Variants in XIRP2 observed in about 807,000 individuals in gnomAD.
XIRP2 encodes xin actin-binding repeat-containing protein 2.
A neutral mutation model predicts 277.0 loss-of-function variants in XIRP2; 236 were observed. The ratio of observed to expected loss-of-function variants is 0.85; its 90% CI spans 0.77 to 0.95. XIRP2 has a LOEUF of 0.95. Ranked by LOEUF, XIRP2 falls within the 40% of genes least tolerant of loss-of-function variation. XIRP2 has a pLI of 0.00. For synonymous variants in XIRP2, 1,490 were observed against 1,416.5 expected (o/e 1.05, Z -1.17); for missense variants, 4,640 against 4,157.5 (o/e 1.12, Z -3.19).
intron 2 of XIRP2, among the ~76,000 whole-genome samples, chr2:167,097,290 A>G (rs1690350618): frequency 6.6e-6 from 1 of 152,172 alleles, no homozygotes; most frequent in South Asian, 2.1e-4. Flanking sequence ...TCCCTTTACC[A>G]TTATGTAATG....
chr2:167,056,022 C>T (rs1194395897), intron 2 of XIRP2, among the ~76,000 whole-genome samples: 4 of 152,206 alleles, frequency 2.6e-5, no homozygotes, highest in Non-Finnish European at 5.9e-5. Context: ...TCTTTTTCAT[C>T]TTATTTCTTT....
At chr2:167,048,845 C>A (rs1400894152) in intron 2 of XIRP2, among the ~76,000 whole-genome samples, 2 of 151,862 alleles carry the variant, frequency 1.3e-5, no homozygotes, top group Non-Finnish European at 2.9e-5. Flanking sequence ...GATGCAAAAA[C>A]TGAAAAAGGG....
chr2:167,055,084 C>T (rs1380748235), intron 2 of XIRP2, among the ~76,000 whole-genome samples: 1 of 152,176 alleles, frequency 6.6e-6, no homozygotes, highest in African/African-American at 2.4e-5. Context: ...TTGAAGTAAA[C>T]TAGTTGTGGT....
chr2:167,211,143 C>T (rs184790925), intron 4 of XIRP2, among the ~76,000 whole-genome samples: 19 of 152,208 alleles, frequency 1.2e-4, no homozygotes, highest in Non-Finnish European at 7.4e-5. Flanking sequence ...CTTGCTCTGT[C>T]ATCCAGGCTG....
chr2:167,076,132 T>C (rs907438282), intron 2 of XIRP2, among the ~76,000 whole-genome samples: 1 of 151,908 alleles, frequency 6.6e-6, no homozygotes, highest in Non-Finnish European at 1.5e-5. Flanking sequence ...TGTTTACTGA[T>C]TATGAAAAAA....
At chr2:167,195,712 C>T (rs144274128) in intron 3 of XIRP2, among the ~76,000 whole-genome samples, 6 of 152,228 alleles carry the variant, frequency 3.9e-5, no homozygotes, top group Admixed American at 2.0e-4. Context: ...AGTGAAATGG[C>T]GCAATGCACC....
intron 3 of XIRP2, among the ~76,000 whole-genome samples, chr2:167,154,270 G>A (rs914598632): frequency 2.5e-4 from 37 of 150,096 alleles, no homozygotes; most frequent in Non-Finnish European, 4.6e-4. Flanking sequence ...TTTTTTTCTT[G>A]TAAATTTGTT....
intron 2 of XIRP2, among the ~76,000 whole-genome samples, chr2:167,108,035 T>G (rs2105292123): frequency 6.6e-6 from 1 of 151,960 alleles, no homozygotes; most frequent in South Asian, 2.1e-4. Flanking sequence ...TTCTTAATAC[T>G]TATGGAGTTA....
chr2:167,136,286 T>C (rs142454911), intron 3 of XIRP2, among the ~76,000 whole-genome samples: 59 of 152,290 alleles, frequency 3.9e-4, no homozygotes, highest in African/African-American at 1.3e-3. Flanking sequence ...ATATTTTAAT[T>C]GACTATAAAC....
Position 167,243,936 on chromosome 2 carries a change from G to C in XIRP2, c.2544G>C (p.Gln848His). 1 of 1,613,960 alleles carries C rather than the reference G, an allele frequency of 6.2e-7. No individual in the cohort carries two copies. The highest frequency in any genetic ancestry group is 8.5e-7 in the Non-Finnish European group (1 of 1,179,934). Reference protein sequence around the residue: ...VSRKCWMFETQPLDILKEVPD... With the variant: ...VSRKCWMFETHPLDILKEVPD... ...GAAAGTGTTGGATGTTTGAAACCCA[G>C]CCATTAGACATTCTAAAAGAAGTTC... The change falls in exon 9 of 11, where the codon CAG becomes CAC. Residue 848 changes from glutamine (Q) to histidine (H), a missense_variant. By Grantham distance (24) the Gln-to-His change is conservative. Coordinates refer to ENST00000409195, the MANE Select transcript of XIRP2 (RefSeq NM_152381.6).
chr2:167,063,940 A>G (rs1004292766), intron 2 of XIRP2, among the ~76,000 whole-genome samples: 8 of 151,628 alleles, frequency 5.3e-5, no homozygotes, highest in African/African-American at 1.4e-4. Context: ...CTATATTAGT[A>G]TAATATCTAC....
chr2:167,192,560 C>A (rs962137050), intron 3 of XIRP2, among the ~76,000 whole-genome samples: 1 of 152,084 alleles, frequency 6.6e-6, no homozygotes, highest in Admixed American at 6.5e-5. Context: ...GTTTTTTAAT[C>A]TGGACTCAAG....
chr2:167,229,908 T>C (rs1424345979), intron 5 of XIRP2, among the ~76,000 whole-genome samples: 3 of 152,112 alleles, frequency 2.0e-5, no homozygotes, highest in Non-Finnish European at 2.9e-5. Flanking sequence ...TAGGAGCTTT[T>C]TCTTGGACTT....
Position 167,243,642 on chromosome 2 carries a change from A to G in XIRP2, c.2250A>G (p.Gln750=). 1 of 1,614,016 alleles carries G rather than the reference A, an allele frequency of 6.2e-7. No individual in the cohort carries two copies. The highest frequency in any genetic ancestry group is 8.5e-7 in the Non-Finnish European group (1 of 1,179,972). ...PLYVIRDGSG[Q]MLEIKTVHRE... ...ATGTTATTAGAGATGGTTCGGGCCA[A>G]ATGCTGGAAATTAAAACTGTTCACA... Residue 750 remains glutamine, a synonymous_variant, in exon 9 of 11, where the codon CAA becomes CAG. Coordinates refer to ENST00000409195, the MANE Select transcript of XIRP2 (RefSeq NM_152381.6).
At chr2:166,979,899 A>AT (rs1188554391) in intron 2 of XIRP2, among the ~76,000 whole-genome samples, 1 of 119,272 alleles carries the variant, frequency 8.4e-6, no homozygotes, top group Admixed American at 9.2e-5. Flanking sequence ...GTGAATTAGG[A>AT]ATTTTTTCTT....
At chr2:167,152,960 C>A (rs528709125) in intron 3 of XIRP2, among the ~76,000 whole-genome samples, 1 of 152,234 alleles carries the variant, frequency 6.6e-6, no homozygotes, top group East Asian at 1.9e-4. Flanking sequence ...CAAATGCAAA[C>A]TTTCCCCCTA....
intron 2 of XIRP2, among the ~76,000 whole-genome samples, chr2:166,985,783 T>G (rs1686989015): frequency 6.6e-6 from 1 of 151,912 alleles, no homozygotes; most frequent in South Asian, 2.1e-4. Flanking sequence ...GAAGTGATGT[T>G]AGGAATTTCT....
intron 2 of XIRP2, among the ~76,000 whole-genome samples, chr2:167,125,885 G>T (rs576395849): frequency 1.5e-4 from 23 of 152,218 alleles, no homozygotes; most frequent in African/African-American, 5.3e-4. Context: ...ATCTAACGTG[G>T]GCCAGGGTTA....
rs138500486 is a variant in XIRP2 at position 167,125,755 on chromosome 2, G to A, written c.409-10154G>A. 1.2e-3 allele frequency among the ~76,000 whole-genome samples: 183 copies of A among 152,198 alleles called. 2 individuals are homozygous for A. The highest frequency in any genetic ancestry group is 4.2e-3 in the African/African-American group (175 of 41,542). On this transcript the variant is annotated intron_variant, in intron 2 of 10. Coordinates refer to ENST00000409195, the MANE Select transcript of XIRP2 (RefSeq NM_152381.6). ...AAATATTTTCTGGTTCTTTATTGTT[G>A]CATAACAAACTACCTCCAAAATTTG...
Sources: allele counts gnomAD v4.1 joint callset (sites outside exome capture counted in the v4.1 genomes callset), GRCh38; gene constraint gnomAD v4.1.1; transcripts MANE v1.5; gene names NCBI Gene and HGNC (gene_info 2026-07-23, HGNC 2026-07-21).